Variants in PHOSPHO1 observed in about 807,000 individuals in gnomAD.
The protein encoded by PHOSPHO1 is phosphoethanolamine/phosphocholine phosphatase.
Under a neutral mutation model 17.7 loss-of-function variants are expected in PHOSPHO1, and 6 were observed. The observed-to-expected ratio is 0.34, with a 90% CI of 0.19 to 0.67. PHOSPHO1 has a LOEUF of 0.67. PHOSPHO1 is among the 30% of genes least tolerant of loss of function. The pLI is 0.69. For synonymous variants in PHOSPHO1, 159 were observed against 174.6 expected, an observed-to-expected ratio of 0.91 and a Z score of 0.71; for missense variants, 330 against 392.1, an observed-to-expected ratio of 0.84 and a Z score of 1.34.
intron 2 of PHOSPHO1, 87 bp downstream of exon 2, chr17:49,226,560 G>C: frequency 7.1e-7 from 1 of 1,416,358 alleles, no homozygotes; most frequent in Non-Finnish European, 1.0e-6. Context: ...GGGCTGGATA[G>C]GGCCTCTCCC....
intron 1 of PHOSPHO1, among the ~76,000 whole-genome samples, chr17:49,228,422 C>T (rs972716089): frequency 1.3e-5 from 2 of 151,894 alleles, no homozygotes; most frequent in Non-Finnish European, 2.9e-5. Flanking sequence ...CTTTGGGAGG[C>T]GAGGCAGGCA....
chr17:49,230,265 C>T (rs1444366990), intron 1 of PHOSPHO1, among the ~76,000 whole-genome samples: 1 of 151,996 alleles, frequency 6.6e-6, no homozygotes, highest in Admixed American at 6.6e-5. Flanking sequence ...AGCAAGGGGA[C>T]ACCAATTCCT....
At chr17:49,226,488 C>T (rs1248592947) in intron 2 of PHOSPHO1, among the ~76,000 whole-genome samples, 159 bp downstream of exon 2, 4 of 152,130 alleles carry the variant, frequency 2.6e-5, no homozygotes, top group Non-Finnish European at 4.4e-5. Flanking sequence ...GGACCCCACA[C>T]CTGGGATGGA....
At position 49,224,651 on chromosome 17, in the gene PHOSPHO1, C is replaced by T; in HGVS notation, c.399G>A (p.Leu133=). The change falls in exon 3 of 3, where the codon CTG becomes CTA. Residue 133 remains leucine, a synonymous_variant. Transcript: ENST00000310544. ...ACAGGCTGTGGTGGCCGGCGGCGCG[C>T]AGCGAGCTCTCCACGCCAAAGGTGT... ...DANTFGVESS[L]RAAGHHSLFR... is the part of the protein sequence containing the mutation. The T allele has an allele frequency of 6.3e-7, 1 of 1,584,674 alleles. No homozygotes were observed. The highest frequency in any genetic ancestry group is 8.5e-7 in the Non-Finnish European group (1 of 1,171,050).
At chr17:49,226,621 G>A (rs2043359934) in intron 2 of PHOSPHO1, 26 bp downstream of exon 2, 1 of 1,613,050 alleles carries the variant, frequency 6.2e-7, no homozygotes, top group South Asian at 1.1e-5. Context: ...CCTCATCCTA[G>A]GAGACCCCTG....
Position 49,225,430 on chromosome 17 carries a change from G to C in PHOSPHO1, c.46-426C>G, listed in dbSNP as rs1363498919. On this transcript the variant is annotated intron_variant, in intron 2 of 2. Transcript: ENST00000310544. ...TTGGTGTGGATCAAGAAAGGGTGGT[G>C]GGAACTCTCCCCTCCCTCATTCCCT... The C allele has an allele frequency of 3.0e-6, 3 of 985,272 alleles. No homozygotes were observed. The South Asian group carries it at 1.4e-4, about 46-fold the overall frequency. The allele number at this position is 985,272 out of a possible 1,614,324, so 61.0% of individuals were successfully genotyped here.
intron 2 of PHOSPHO1, 135 bp from the exon 3 acceptor site, chr17:49,225,139 G>C (rs2043339943): frequency 1.4e-6 from 2 of 1,437,578 alleles, no homozygotes; most frequent in East Asian, 5.0e-5. Context: ...CACCTGAGGA[G>C]GACCCAAGTC....
At position 49,226,747 on chromosome 17, in the gene PHOSPHO1, C is replaced by T. The variant is rs184696789; in HGVS notation, c.-56G>A. 1.7e-4 allele frequency: 280 copies of T among 1,602,552 alleles called. 1 individual carries two copies. In the East Asian group the frequency reaches 4.8e-3, roughly 27 times the overall value. Reference sequence around the variant, plus strand: ...AGGGACTCTGTTGGCCTCCAGCCGTCGTCACACGTTCCTGACAACCACAAA... The same window carrying T: ...AGGGACTCTGTTGGCCTCCAGCCGTTGTCACACGTTCCTGACAACCACAAA... On this transcript the variant is annotated 5_prime_UTR_variant, in exon 2 of 3. Transcript: ENST00000310544.
Position 49,223,993 on chromosome 17 carries a change from C to T in PHOSPHO1, c.*253G>A. ...GCTGCCTTCCAAGGTTTGCGCGCCA[C>T]CCCGCGATGGGTCAGACTCCAGAAC... is the stretch of plus-strand genomic sequence containing the variant. On this transcript the variant is annotated 3_prime_UTR_variant, in exon 3 of 3. Coordinates refer to ENST00000310544, the MANE Select transcript of PHOSPHO1 (RefSeq NM_178500.4). 1 of 444,664 alleles carries T rather than the reference C, an allele frequency of 2.2e-6. No homozygotes were observed. Among genetic ancestry groups the T allele is most frequent in the Non-Finnish European group, 3.8e-6 (1 of 263,836 alleles). 27.5% of individuals were successfully genotyped at this position (444,664 alleles called of 1,614,324 possible).
At chr17:49,227,661 C>T (rs1303446310) in intron 1 of PHOSPHO1, among the ~76,000 whole-genome samples, 1 of 152,190 alleles carries the variant, frequency 6.6e-6, no homozygotes, top group East Asian at 1.9e-4. Flanking sequence ...GACACTCTCC[C>T]CTGACTATTC....
chr17:49,230,123 A>C (rs1192438530), intron 1 of PHOSPHO1, among the ~76,000 whole-genome samples: 1 of 151,940 alleles, frequency 6.6e-6, no homozygotes, highest in Non-Finnish European at 1.5e-5. Flanking sequence ...AGCTGCCGGT[A>C]GGGTTGGGGG....
Position 49,224,044 on chromosome 17 carries a change from A to C in PHOSPHO1, c.*202T>G. 1.4e-6 allele frequency: 1 copy of C among 720,496 alleles called. No homozygotes were observed. Among genetic ancestry groups the C allele is most frequent in the Non-Finnish European group, 2.2e-6 (1 of 463,888 alleles). 44.6% of individuals were successfully genotyped at this position (720,496 alleles called of 1,614,324 possible). A position where few individuals can be genotyped will look rare whatever the true frequency, so the allele number is the denominator to read the frequency against. On this transcript the variant is annotated 3_prime_UTR_variant, in exon 3 of 3. Transcript: ENST00000310544. Reference sequence around the variant, plus strand: ...TCAACCGTGCACAGTGGAGTGGGGGAGGCAGCCGAGGTGGGTTAACTGAAT... The same window carrying C: ...TCAACCGTGCACAGTGGAGTGGGGGCGGCAGCCGAGGTGGGTTAACTGAAT...
rs1345035810 is a variant in PHOSPHO1 at position 49,224,819 on chromosome 17, C to T, written c.231G>A (p.Lys77=). The change falls in exon 3 of 3, where the codon AAG becomes AAA. Residue 77 remains lysine, a synonymous_variant. Transcript: ENST00000310544. ...FYNEYMQRVF[K]YLGEQGVRPR... ...GCCGCACGCCCTGCTCGCCCAGGTA[C>T]TTGAAGACGCGCTGCATGTACTCGT... 2 of 1,603,476 alleles carry T rather than the reference C, an allele frequency of 1.2e-6. No homozygotes were observed. Among genetic ancestry groups the T allele is most frequent in the Non-Finnish European group, 1.7e-6 (2 of 1,175,300 alleles).
At chr17:49,228,895 G>C (rs1262121792) in intron 1 of PHOSPHO1, among the ~76,000 whole-genome samples, 1 of 151,842 alleles carries the variant, frequency 6.6e-6, no homozygotes, top group African/African-American at 2.4e-5. Context: ...AGGAGACAGA[G>C]GTTGCAGTGA....
At chr17:49,225,225 T>A in intron 2 of PHOSPHO1, 1 of 1,420,592 alleles carries the variant, frequency 7.0e-7, no homozygotes, top group Non-Finnish European at 9.1e-7. Flanking sequence ...TGGCACCTCT[T>A]AGTTAACTGC....
At position 49,224,086 on chromosome 17, in the gene PHOSPHO1, G is replaced by T; in HGVS notation, c.*160C>A. ...TAACTGAATAGATAGGGACGGCTCTGAGCCCCCTTCCCCAAGCCCCCAAAT... is the reference window on the plus strand; with the variant it reads ...TAACTGAATAGATAGGGACGGCTCTTAGCCCCCTTCCCCAAGCCCCCAAAT... On this transcript the variant is annotated 3_prime_UTR_variant, in exon 3 of 3. Transcript: ENST00000310544. The T allele has an allele frequency of 9.0e-7, 1 of 1,117,032 alleles. No homozygotes were observed. The highest frequency in any genetic ancestry group is 1.7e-5 in the South Asian group (1 of 59,338). The allele number at this position is 1,117,032 out of a possible 1,614,324, so 69.2% of individuals were successfully genotyped here. A position where few individuals can be genotyped will look rare whatever the true frequency, so the allele number is the denominator to read the frequency against.
intron 2 of PHOSPHO1, 39 bp from the exon 3 acceptor site, chr17:49,225,043 A>G (rs1224616253): frequency 6.9e-6 from 10 of 1,453,612 alleles, no homozygotes; most frequent in South Asian, 1.4e-5. Context: ...GAGGAGGAGG[A>G]GGGGGCAAGC....
intron 1 of PHOSPHO1, 95 bp from the exon 2 acceptor site, chr17:49,226,853 C>T (rs778372827): frequency 3.3e-5 from 24 of 729,380 alleles, no homozygotes; most frequent in Non-Finnish European, 5.2e-5. Context: ...TGCTGAGCTA[C>T]AGGAGGCATT....
intron 2 of PHOSPHO1, 64 bp from the exon 3 acceptor site, chr17:49,225,068 C>T (rs917140661): frequency 4.4e-5 from 63 of 1,446,100 alleles, no homozygotes; most frequent in Non-Finnish European, 5.3e-5. Flanking sequence ...GGGGGCGCGG[C>T]AGGAGCCCGC....
Sources: allele counts gnomAD v4.1 joint callset (sites outside exome capture counted in the v4.1 genomes callset), GRCh38; gene constraint gnomAD v4.1.1; transcripts MANE v1.5; gene names NCBI Gene and HGNC (gene_info 2026-07-23, HGNC 2026-07-21).